Variants in NBEA observed in about 807,000 individuals in gnomAD.
NBEA encodes neurobeachin.
Under a neutral mutation model 343.4 loss-of-function variants are expected in NBEA, and 44 were observed. The ratio of observed to expected loss-of-function variants is 0.13; its 90% CI spans 0.10 to 0.16. NBEA has a LOEUF of 0.16. Among genes scored for constraint, NBEA ranks in the 10% least tolerant of loss-of-function variants. NBEA has a pLI of 1.00. For synonymous variants in NBEA, 1,175 were observed against 1,238.7 expected, an observed-to-expected ratio of 0.95 and a Z score of 1.08; for missense variants, 2,555 against 3,631.3, an observed-to-expected ratio of 0.70 and a Z score of 7.62.
intron 35 of NBEA, among the ~76,000 whole-genome samples, chr13:35,308,460 A>ATATATATG (rs2037073215): frequency 8.9e-6 from 1 of 112,162 alleles, no homozygotes; most frequent in East Asian, 2.4e-4. Context: ...ATATATATAT[A>ATATATATG]TATATATATA....
intron 57 of NBEA, 30 bp from the exon 58 acceptor site, chr13:35,668,338 T>TTTTG (rs759579054): frequency 6.5e-7 from 1 of 1,542,206 alleles, no homozygotes; most frequent in East Asian, 2.4e-5. Flanking sequence ...TTTTGTTTTT[T>TTTTG]TTTGTTTGTT....
chr13:34,991,961 C>T (rs1241142765), intron 1 of NBEA, among the ~76,000 whole-genome samples: 1 of 147,104 alleles, frequency 6.8e-6, no homozygotes, highest in African/African-American at 2.5e-5. Flanking sequence ...AAATGTACCA[C>T]TGTCTTATGG....
chr13:35,085,260 G>C (rs1454961468), intron 10 of NBEA, among the ~76,000 whole-genome samples: 1 of 151,994 alleles, frequency 6.6e-6, no homozygotes, highest in African/African-American at 2.4e-5. Context: ...TGATACCAAA[G>C]CCTGGCAGAG....
At chr13:35,256,604 G>A (rs901689153) in intron 34 of NBEA, among the ~76,000 whole-genome samples, 1 of 152,164 alleles carries the variant, frequency 6.6e-6, no homozygotes, top group African/African-American at 2.4e-5. Flanking sequence ...TTCATGCCGA[G>A]GGGCGCCTGC....
intron 1 of NBEA, among the ~76,000 whole-genome samples, chr13:35,030,272 C>G (rs1469997675): frequency 6.6e-6 from 1 of 151,502 alleles, no homozygotes; most frequent in Non-Finnish European, 1.5e-5. Flanking sequence ...TTAACTTTAA[C>G]AAATTCTTTT....
chr13:35,157,399 T>C (rs985900566), intron 21 of NBEA, 129 bp downstream of exon 21: 27 of 700,718 alleles, frequency 3.9e-5, no homozygotes, highest in Non-Finnish European at 5.2e-5. Flanking sequence ...CAGTTTTGTA[T>C]TTTTCCCTCA....
chr13:35,101,799 A>G (rs979411865), intron 11 of NBEA, among the ~76,000 whole-genome samples: 1 of 151,910 alleles, frequency 6.6e-6, no homozygotes, highest in Middle Eastern at 3.4e-3. Flanking sequence ...TGGAAATCAT[A>G]TATGTATTTT....
intron 30 of NBEA, among the ~76,000 whole-genome samples, chr13:35,192,179 A>G (rs2072251208): frequency 6.6e-6 from 1 of 152,028 alleles, no homozygotes; most frequent in Non-Finnish European, 1.5e-5. Flanking sequence ...AATCATTTAT[A>G]GTTTTTCTGC....
chr13:35,462,600 A>T (rs2046969473), intron 40 of NBEA, among the ~76,000 whole-genome samples: 1 of 152,068 alleles, frequency 6.6e-6, no homozygotes. Flanking sequence ...ACTGTGAAAG[A>T]TTTTAAGTAT....
intron 35 of NBEA, among the ~76,000 whole-genome samples, chr13:35,300,203 A>T (rs533804625): frequency 6.6e-6 from 1 of 152,170 alleles, no homozygotes; most frequent in African/African-American, 2.4e-5. Context: ...GCACGCCTGT[A>T]GTCCCAGCCA....
chr13:35,452,517 C>T (rs141706369), intron 40 of NBEA, among the ~76,000 whole-genome samples: 301 of 152,264 alleles, frequency 2.0e-3, no homozygotes, highest in Middle Eastern at 0.01. Context: ...TCACATCTTA[C>T]GGCCTATATT....
At chr13:35,219,608 T>C (rs745649120) in intron 33 of NBEA, among the ~76,000 whole-genome samples, 30 of 152,220 alleles carry the variant, frequency 2.0e-4, no homozygotes, top group South Asian at 6.2e-4. Flanking sequence ...AAACTGAAAA[T>C]TCCCAGTATC....
chr13:35,133,468 C>T (rs536857733), intron 17 of NBEA, among the ~76,000 whole-genome samples: 2 of 152,134 alleles, frequency 1.3e-5, no homozygotes, highest in South Asian at 4.1e-4. Flanking sequence ...TACTTATACT[C>T]TATGACTAAG....
At chr13:35,319,049 C>T (rs79426205) in intron 36 of NBEA, among the ~76,000 whole-genome samples, 13,769 of 152,094 alleles carry the variant, frequency 0.091, 701 homozygotes, top group African/African-American at 0.15. Flanking sequence ...TTTCAAAAAC[C>T]AGCTCCTGGA....
chr13:35,045,199 A>G, intron 3 of NBEA, 107 bp from the exon 4 acceptor site: 1 of 1,213,250 alleles, frequency 8.2e-7, no homozygotes, highest in East Asian at 2.6e-5. Context: ...ATGATTTAAA[A>G]TTAATTTTTC....
At chr13:35,380,376 C>T (rs1256042164) in intron 38 of NBEA, among the ~76,000 whole-genome samples, 2 of 152,004 alleles carry the variant, frequency 1.3e-5, no homozygotes. Flanking sequence ...ACTTGGGAGG[C>T]CGAGGCTGCA....
At chr13:35,152,350 T>G (rs2152704987) in intron 18 of NBEA, among the ~76,000 whole-genome samples, 1 of 152,322 alleles carries the variant, frequency 6.6e-6, no homozygotes, top group East Asian at 1.9e-4. Context: ...TTATTCAAAC[T>G]TTCTATTCAC....
intron 41 of NBEA, among the ~76,000 whole-genome samples, chr13:35,496,450 C>T (rs911492582): frequency 6.6e-6 from 1 of 151,660 alleles, no homozygotes; most frequent in Non-Finnish European, 1.5e-5. Context: ...GCCTGAGCAA[C>T]ATGGTGAGAT....
chr13:35,267,747 T>C (rs1373058043), intron 34 of NBEA, among the ~76,000 whole-genome samples: 14 of 151,456 alleles, frequency 9.2e-5, no homozygotes, highest in Non-Finnish European at 1.5e-5. Flanking sequence ...TGAAAAGATA[T>C]TCAGCATCAC....
Sources: gnomAD v4.1 joint callset for allele counts (sites outside exome capture counted in the v4.1 genomes callset) on GRCh38, gnomAD v4.1.1 for gene constraint, MANE v1.5 for transcripts, NCBI Gene and HGNC (gene_info 2026-07-23, HGNC 2026-07-21) for gene names.